The following MDGA2 variants were observed in gnomAD, a reference collection of about 807,000 sequenced individuals.
MDGA2 encodes the protein MAM domain containing glycosylphosphatidylinositol anchor 2.
In MDGA2, 40 loss-of-function variants were observed where a neutral mutation model predicts 117.8. The ratio of observed to expected loss-of-function variants is 0.34; its 90% CI spans 0.26 to 0.44. The LOEUF (loss-of-function observed/expected upper bound fraction) is 0.44, where lower values mean the gene tolerates loss of function less well. MDGA2 is among the 20% of genes least tolerant of loss of function. MDGA2 has a pLI of 1.00. For synonymous variants in MDGA2, 452 were observed against 439.0 expected (o/e 1.03, Z -0.37); for missense variants, 1,123 against 1,250.6 (o/e 0.90, Z 1.54).
chr14:46,981,806 A>C (rs1385331526), intron 8 of MDGA2, among the ~76,000 whole-genome samples: 1 of 152,184 alleles, frequency 6.6e-6, no homozygotes, highest in African/African-American at 2.4e-5. Context: ...GGGACTAAAA[A>C]TCAGAGCACT....
intron 1 of MDGA2, among the ~76,000 whole-genome samples, chr14:47,546,428 C>T (rs1446710056): frequency 1.3e-5 from 2 of 152,078 alleles, no homozygotes; most frequent in Non-Finnish European, 2.9e-5. Flanking sequence ...GTAATATCCA[C>T]ACACATACAG....
At chr14:47,568,905 G>T (rs1895967495) in intron 1 of MDGA2, among the ~76,000 whole-genome samples, 1 of 150,716 alleles carries the variant, frequency 6.6e-6, no homozygotes, top group Non-Finnish European at 1.5e-5. Flanking sequence ...CTTTCTTTTG[G>T]TAGGGTAATT....
chr14:46,963,389 G>A (rs1027053083), intron 8 of MDGA2, among the ~76,000 whole-genome samples: 1 of 152,152 alleles, frequency 6.6e-6, no homozygotes, highest in African/African-American at 2.4e-5. Context: ...ATCAGCTCAT[G>A]TTACTTTCCT....
chr14:46,917,585 A>T (rs1036969276), intron 10 of MDGA2, among the ~76,000 whole-genome samples: 8 of 152,204 alleles, frequency 5.3e-5, no homozygotes, highest in Non-Finnish European at 8.8e-5. Flanking sequence ...TTAAAAAAAC[A>T]TAGAAAAGGG....
chr14:47,534,421 G>A lies in MDGA2; in HGVS notation c.280+140096C>T, dbSNP rs188512434. On this transcript the variant is annotated intron_variant, in intron 1 of 16. Transcript: ENST00000399232. ...GACTGGGTAATTTATAAAGAAAAGAGGTTTAATTGACTCACAGTTCTGGAT... is the reference window on the plus strand; with the variant it reads ...GACTGGGTAATTTATAAAGAAAAGAAGTTTAATTGACTCACAGTTCTGGAT... Among the ~76,000 whole-genome samples the A allele has an allele frequency of 4.8e-4, 73 of 152,274 alleles. 1 individual carries two copies. The highest frequency in any genetic ancestry group is 9.3e-4 in the Non-Finnish European group (63 of 68,022).
intron 1 of MDGA2, among the ~76,000 whole-genome samples, chr14:47,483,339 T>G (rs1893992545): frequency 6.6e-6 from 1 of 152,158 alleles, no homozygotes; most frequent in South Asian, 2.1e-4. Context: ...AAGCTTTCAA[T>G]CAGAAACTTT....
At chr14:47,290,421 G>C (rs10133322) in intron 2 of MDGA2, among the ~76,000 whole-genome samples, 32,710 of 151,968 alleles carry the variant, frequency 0.22, 4,398 homozygotes, top group East Asian at 0.44. Context: ...CCAGGACTGT[G>C]AAAAATAAAT....
At chr14:47,118,689 G>A (rs951068278) in intron 5 of MDGA2, among the ~76,000 whole-genome samples, 3 of 152,198 alleles carry the variant, frequency 2.0e-5, no homozygotes, top group Admixed American at 1.3e-4. Context: ...ACTCTCCAAT[G>A]ACTTGAAAGT....
In MDGA2 at chr14:47,539,319, C is replaced by T. The variant is rs531832334; in HGVS notation, c.280+135198G>A. On this transcript the variant is annotated intron_variant, in intron 1 of 16. Coordinates refer to ENST00000399232, the MANE Select transcript of MDGA2 (RefSeq NM_001113498.3). Reference sequence around the variant, plus strand: ...ATAGTAGCAAAAAGCAAAACCAAATCACACCAGAACCAGGAAAAGAAACCC... The same window carrying T: ...ATAGTAGCAAAAAGCAAAACCAAATTACACCAGAACCAGGAAAAGAAACCC... Among the ~76,000 whole-genome samples, 3 of 152,318 alleles carry T rather than the reference C, an allele frequency of 2.0e-5. No homozygotes were observed. In the East Asian group the frequency reaches 5.8e-4, roughly 29 times the overall value.
intron 1 of MDGA2, among the ~76,000 whole-genome samples, chr14:47,665,808 CCCCCCTCCCCCCCG>C (rs1897939998): frequency 1.3e-4 from 1 of 7,686 alleles, no homozygotes; most frequent in Non-Finnish European, 3.8e-4. Flanking sequence ...CCTCCCTCGC[CCCCCCTCCCCCCCG>C]CCCCCGCCCC....
rs185183563 is a variant in MDGA2 at position 47,433,414 on chromosome 14, T to C, written c.281-131864A>G. ...ACTTTGATTACCAAAACTAAACACATAGAAAAATAGAGAAGACAAGAGAAC... is the reference window on the plus strand; with the variant it reads ...ACTTTGATTACCAAAACTAAACACACAGAAAAATAGAGAAGACAAGAGAAC... On this transcript the variant is annotated intron_variant, in intron 1 of 16. Coordinates refer to ENST00000399232, the MANE Select transcript of MDGA2 (RefSeq NM_001113498.3). Among the ~76,000 whole-genome samples, 168 of 152,034 alleles carry C rather than the reference T, an allele frequency of 1.1e-3. 1 individual carries two copies. Among genetic ancestry groups the C allele is most frequent in the African/African-American group, 3.5e-3 (146 of 41,504 alleles).
chr14:47,415,350 C>A (rs190301845), intron 1 of MDGA2, among the ~76,000 whole-genome samples: 1 of 152,180 alleles, frequency 6.6e-6, no homozygotes, highest in East Asian at 1.9e-4. Context: ...ATATGTTTTA[C>A]ATATACTTTG....
intron 1 of MDGA2, among the ~76,000 whole-genome samples, chr14:47,446,594 A>T (rs1893127564): frequency 6.6e-6 from 1 of 152,150 alleles, no homozygotes; most frequent in Non-Finnish European, 1.5e-5. Flanking sequence ...AAGGGTAAAA[A>T]GAGAAAAAAA....
chr14:47,457,878 T>G (rs1893393005), intron 1 of MDGA2, among the ~76,000 whole-genome samples: 1 of 151,358 alleles, frequency 6.6e-6, no homozygotes, highest in Non-Finnish European at 1.5e-5. Flanking sequence ...CAAGAGCACA[T>G]ATTTTGTAAA....
intron 3 of MDGA2, among the ~76,000 whole-genome samples, chr14:47,213,936 T>C (rs1221253451): frequency 1.3e-5 from 2 of 152,102 alleles, no homozygotes; most frequent in African/African-American, 4.8e-5. Flanking sequence ...AAGTCGGCCG[T>C]GCTGAGCACA....
chr14:47,232,631 C>T (rs1886729547), intron 2 of MDGA2, among the ~76,000 whole-genome samples: 1 of 152,042 alleles, frequency 6.6e-6, no homozygotes, highest in African/African-American at 2.4e-5. Context: ...ACTATGCCAC[C>T]TCTACAGCCC....
In MDGA2 at chr14:47,597,845, T is replaced by TACACACACAC. The variant is rs35221587; in HGVS notation, c.280+76662_280+76671dup. Among the ~76,000 whole-genome samples the TACACACACAC allele has an allele frequency of 1.6e-3, 227 of 141,370 alleles. 3 individuals are homozygous for TACACACACAC. The East Asian group carries it at 0.017, about 11-fold the overall frequency. 92.7% of individuals were successfully genotyped at this position (141,370 alleles called of 152,430 possible). Reference sequence around the variant, plus strand: ...CACAGAGACGCACACCACACACACATACACACACACACACACACACACACA... The same window carrying TACACACACAC: ...CACAGAGACGCACACCACACACACATACACACACACACACACACACACACACACACACACA... On this transcript the variant is annotated intron_variant, in intron 1 of 16. Coordinates refer to ENST00000399232, the MANE Select transcript of MDGA2 (RefSeq NM_001113498.3).
Position 46,902,977 on chromosome 14 carries a change from G to A in MDGA2, c.2238+17035C>T, listed in dbSNP as rs368761285. On this transcript the variant is annotated intron_variant, in intron 10 of 16. Transcript: ENST00000399232. ...GGAGGGCCCCAGAGAATCTCCCACCGGCCTACACACTGCAAGAATGGGTTG... is the reference window on the plus strand; with the variant it reads ...GGAGGGCCCCAGAGAATCTCCCACCAGCCTACACACTGCAAGAATGGGTTG... 9.7e-4 allele frequency among the ~76,000 whole-genome samples: 147 copies of A among 151,402 alleles called. 3 individuals are homozygous for A. Among genetic ancestry groups the A allele is most frequent in the South Asian group, 8.2e-3 (39 of 4,738 alleles).
intron 5 of MDGA2, among the ~76,000 whole-genome samples, chr14:47,129,105 A>G (rs1311246777): frequency 6.8e-6 from 1 of 146,126 alleles, no homozygotes; most frequent in Non-Finnish European, 1.5e-5. Context: ...TTTTTCTTTT[A>G]TTATTATACT....
Sources: gnomAD v4.1 joint callset for allele counts (sites outside exome capture counted in the v4.1 genomes callset) on GRCh38, gnomAD v4.1.1 for gene constraint, MANE v1.5 for transcripts, NCBI Gene and HGNC (gene_info 2026-07-23, HGNC 2026-07-21) for gene names.